Variants in ARL6 observed in about 807,000 individuals in gnomAD.
ARL6 encodes ADP-ribosylation factor-like protein 6.
In ARL6, 18 loss-of-function variants were observed where a neutral mutation model predicts 27.1. That is an observed-to-expected ratio of 0.66 (90% CI 0.46 to 0.98). The LOEUF (loss-of-function observed/expected upper bound fraction) is 0.98. Ranked by LOEUF, ARL6 falls within the 50% of genes least tolerant of loss-of-function variation. ARL6 has a pLI of 0.00. For missense variants in ARL6, 187 were observed against 214.9 expected, an observed-to-expected ratio of 0.87 and a Z score of 0.81; for synonymous variants, 65 against 72.3, an observed-to-expected ratio of 0.90 and a Z score of 0.51.
Position 97,768,206 on chromosome 3 carries a change from C to G in ARL6, c.99C>G (p.Ile33Met). The change falls in exon 2 of 8, where the codon ATC becomes ATG. Residue 33 changes from isoleucine to methionine, a missense_variant. By Grantham distance (10) the Ile-to-Met change is conservative (BLOSUM62 1). Transcript: ENST00000463745. ...LGLDNSGKTT[I>M]INKLKPSNAQ... is the part of the protein sequence containing the mutation. ...TAGATAATAGTGGCAAAACGACGATCATTAACAAACTTAAACCTTCAAATG... is the reference window on the plus strand; with the variant it reads ...TAGATAATAGTGGCAAAACGACGATGATTAACAAACTTAAACCTTCAAATG... The G allele has an allele frequency of 6.2e-7, 1 of 1,612,712 alleles. No individual in the cohort carries two copies. Among genetic ancestry groups the G allele is most frequent in the Non-Finnish European group, 8.5e-7 (1 of 1,178,946 alleles).
Position 97,799,923 on chromosome 3 carries a change from G to T in ARL6, c.*1874G>T, listed in dbSNP as rs969015048. The T allele has an allele frequency of 6.6e-6, 1 of 152,040 alleles. No homozygotes were observed. Among genetic ancestry groups the T allele is most frequent in the African/African-American group, 2.4e-5 (1 of 41,444 alleles). 9.4% of individuals were successfully genotyped at this position (152,040 alleles called of 1,614,324 possible). ...AATAACAATTAAAATGATAGAAAAG[G>T]CTCTTACTTGGGACAGCAACCAGGA... On this transcript the variant is annotated 3_prime_UTR_variant, in exon 8 of 8. Transcript: ENST00000463745.
At chr3:97,779,050 T>A (rs963135193) in intron 2 of ARL6, among the ~76,000 whole-genome samples, 2 of 152,196 alleles carry the variant, frequency 1.3e-5, no homozygotes, top group Admixed American at 6.5e-5. Context: ...ACAAGTTAGA[T>A]TGTTAGTATA....
At chr3:97,796,275 A>C (rs1275980623) in intron 7 of ARL6, among the ~76,000 whole-genome samples, 3 of 152,182 alleles carry the variant, frequency 2.0e-5, no homozygotes, top group South Asian at 2.1e-4. Context: ...ATCCTCAAAG[A>C]GATAAGAGAA....
intron 1 of ARL6, chr3:97,766,227 T>C (rs2036375456): frequency 1.3e-5 from 2 of 152,212 alleles, no homozygotes; most frequent in Non-Finnish European, 2.9e-5. Context: ...GAACAAGATA[T>C]AAGCATTTAT....
rs1214682855 is a variant in ARL6, at chr3:97,798,027, A to AGATCC, written c.540_544dup (p.Gln182ArgfsTer5). The AGATCC allele has an allele frequency of 3.7e-6, 6 of 1,613,064 alleles. No individual in the cohort carries two copies. The highest frequency in any genetic ancestry group is 5.1e-6 in the Non-Finnish European group (6 of 1,179,308). The stretch of plus-strand genomic sequence containing the variant: ...TTTGTTTGTTTTTTGTTATCAGATC[A>AGATCC]GATCCAGACTGTGAAGACATGAAAA... On this transcript the variant is annotated frameshift_variant, in exon 8 of 8. Transcript: ENST00000463745. LOFTEE classifies it high-confidence loss of function.
chr3:97,794,215 GTGTT>G (rs1290660520), intron 7 of ARL6, among the ~76,000 whole-genome samples: 7 of 147,316 alleles, frequency 4.8e-5, no homozygotes, highest in African/African-American at 1.9e-4. Flanking sequence ...GTGTGTGTGT[GTGTT>G]TTTGAGATGG....
intron 6 of ARL6, among the ~76,000 whole-genome samples, chr3:97,789,386 TTC>T (rs1352377568): frequency 6.6e-6 from 1 of 152,158 alleles, no homozygotes; most frequent in Non-Finnish European, 1.5e-5. Flanking sequence ...AATTTTTAAT[TTC>T]TGTGTTGTAT....
At chr3:97,782,061 G>T (rs2037225860) in intron 4 of ARL6, among the ~76,000 whole-genome samples, 1 of 151,974 alleles carries the variant, frequency 6.6e-6, no homozygotes, top group African/African-American at 2.4e-5. Flanking sequence ...AGAGGGAAAA[G>T]AGAGTGCTTC....
intron 7 of ARL6, among the ~76,000 whole-genome samples, chr3:97,795,003 G>C (rs1395388748): frequency 1.3e-5 from 2 of 152,136 alleles, no homozygotes; most frequent in Admixed American, 6.5e-5. Context: ...CAGGAACTCT[G>C]GGGGTGGAGG....
At chr3:97,768,007 T>A (rs937753067) in intron 1 of ARL6, 74 bp from the exon 2 acceptor site, 2 of 1,361,032 alleles carry the variant, frequency 1.5e-6, no homozygotes, top group Non-Finnish European at 2.1e-6. Flanking sequence ...TATTACCTTT[T>A]TTTAATACAC....
chr3:97,788,145 T>C, intron 6 of ARL6, 26 bp downstream of exon 6: 1 of 1,606,930 alleles, frequency 6.2e-7, no homozygotes, highest in East Asian at 2.2e-5. Context: ...TACTTTTCAC[T>C]GTAGCTTTCT....
chr3:97,795,356 T>A (rs2037949096), intron 7 of ARL6, among the ~76,000 whole-genome samples: 1 of 152,214 alleles, frequency 6.6e-6, no homozygotes, highest in Non-Finnish European at 1.5e-5. Context: ...TGTATTCATT[T>A]TATTGCTTTG....
chr3:97,779,426 C>A (rs1243272116), intron 2 of ARL6, among the ~76,000 whole-genome samples: 1 of 152,080 alleles, frequency 6.6e-6, no homozygotes, highest in African/African-American at 2.4e-5. Flanking sequence ...CTGTTGCCTC[C>A]CACCCCCAAA....
chr3:97,790,721 TTC>T (rs1195143038), intron 6 of ARL6, among the ~76,000 whole-genome samples: 1 of 152,136 alleles, frequency 6.6e-6, no homozygotes, highest in Non-Finnish European at 1.5e-5. Flanking sequence ...TGTTGTTTGT[TTC>T]TTTCTTTGTA....
chr3:97,794,218 T>TGTGTGTG (rs71113870), intron 7 of ARL6, among the ~76,000 whole-genome samples: 1 of 145,630 alleles, frequency 6.9e-6, no homozygotes, highest in Non-Finnish European at 1.5e-5. Context: ...TGTGTGTGTG[T>TGTGTGTG]TTTTGAGATG....
At chr3:97,773,818 G>C (rs983772254) in intron 2 of ARL6, among the ~76,000 whole-genome samples, 1 of 152,196 alleles carries the variant, frequency 6.6e-6, no homozygotes, top group African/African-American at 2.4e-5. Flanking sequence ...AGCTGGTATT[G>C]ATGACTACCT....
At chr3:97,797,952 G>T (rs539428361) in intron 7 of ARL6, 72 bp from the exon 8 acceptor site, 3 of 1,383,684 alleles carry the variant, frequency 2.2e-6, no homozygotes, top group African/African-American at 2.9e-5. Flanking sequence ...GTATAGATTT[G>T]ACTTAGATTA....
At chr3:97,765,808 GTC>G (rs2036350632) in intron 1 of ARL6, among the ~76,000 whole-genome samples, 1 of 152,002 alleles carries the variant, frequency 6.6e-6, no homozygotes. Flanking sequence ...AAACAGTTGT[GTC>G]TCTCGCTGCA....
chr3:97,770,755 G>C (rs1257120426), intron 2 of ARL6, among the ~76,000 whole-genome samples: 2 of 152,020 alleles, frequency 1.3e-5, no homozygotes, highest in African/African-American at 4.8e-5. Flanking sequence ...TGTTTATCCA[G>C]TGTTCCAGCA....
Sources: allele counts gnomAD v4.1 joint callset (sites outside exome capture counted in the v4.1 genomes callset), GRCh38; gene constraint gnomAD v4.1.1; transcripts MANE v1.5; gene names NCBI Gene and HGNC (gene_info 2026-07-23, HGNC 2026-07-21).